FAM124A: variants seen among roughly 807,000 people sequenced by gnomAD.
The protein encoded by FAM124A is protein FAM124A.
A neutral mutation model predicts 24.5 loss-of-function variants in FAM124A; 23 were observed. The observed-to-expected ratio is 0.94, with a 90% CI of 0.68 to 1.33. The LOEUF (loss-of-function observed/expected upper bound fraction) is 1.33. Ranked by LOEUF, FAM124A falls within the 40% of genes most tolerant of loss-of-function variation. The pLI, the probability that FAM124A is intolerant of heterozygous loss-of-function variation, is 0.00. For missense variants in FAM124A, 623 were observed against 722.8 expected (o/e 0.86, Z 1.58); for synonymous variants, 287 against 314.7 (o/e 0.91, Z 0.93).
chr13:51,267,746 C>A (rs1247333944), intron 3 of FAM124A, among the ~76,000 whole-genome samples: 1 of 152,150 alleles, frequency 6.6e-6, no homozygotes, highest in East Asian at 1.9e-4. Flanking sequence ...AGCTGCCCTT[C>A]TACTAATATT....
Position 51,235,955 on chromosome 13 carries a change from G to GT in FAM124A, c.100+4581dup, listed in dbSNP as rs758700437. Among the ~76,000 whole-genome samples the GT allele has an allele frequency of 5.1e-4, 77 of 152,212 alleles. 1 individual carries two copies. Among genetic ancestry groups the GT allele is most frequent in the Non-Finnish European group, 8.1e-4 (55 of 68,038 alleles). On this transcript the variant is annotated intron_variant, in intron 2 of 3. Transcript: ENST00000322475. ...TGGGTGGCTGTGAGTCACTGAAACT[G>GT]TTTTTCAACCTCCTGGGGACTCAGA...
chr13:51,263,698 C>T (rs1954758885), intron 3 of FAM124A, among the ~76,000 whole-genome samples: 1 of 152,136 alleles, frequency 6.6e-6, no homozygotes, highest in Admixed American at 6.5e-5. Flanking sequence ...CCTATAATCC[C>T]ATTTAGTTTG....
chr13:51,243,007 G>A (rs4942983), intron 2 of FAM124A, among the ~76,000 whole-genome samples: 73,246 of 152,128 alleles, frequency 0.48, 20,053 homozygotes, highest in Non-Finnish European at 0.63. Flanking sequence ...CCTAGGTTCA[G>A]TTCTTCAATT....
rs577563692 is a variant in FAM124A, at chr13:51,263,170, C to T, written c.834+10969C>T. On this transcript the variant is annotated intron_variant, in intron 3 of 3. Coordinates refer to ENST00000322475, the MANE Select transcript of FAM124A (RefSeq NM_001242312.2). ...GGAGGTGGTAATGAGTGAAGATCTCCAGGCCCAGCCCACAGGGGCTCCGTC... is the reference window on the plus strand; with the variant it reads ...GGAGGTGGTAATGAGTGAAGATCTCTAGGCCCAGCCCACAGGGGCTCCGTC... 1.2e-3 allele frequency among the ~76,000 whole-genome samples: 176 copies of T among 152,026 alleles called. 2 individuals carry two copies. In the South Asian group the frequency reaches 0.014, roughly 12 times the overall value.
intron 3 of FAM124A, among the ~76,000 whole-genome samples, chr13:51,263,160 T>G (rs988446060): frequency 6.6e-6 from 1 of 152,040 alleles, no homozygotes; most frequent in African/African-American, 2.4e-5. Context: ...TGGTAATGAG[T>G]GAAGATCTCC....
chr13:51,275,493 G>A (rs1401432258), intron 3 of FAM124A, among the ~76,000 whole-genome samples: 1 of 152,150 alleles, frequency 6.6e-6, no homozygotes, highest in African/African-American at 2.4e-5. Flanking sequence ...AGAACAAAAA[G>A]GTAAGCCACA....
Position 51,274,177 on chromosome 13 carries a change from G to T in FAM124A, c.835-6273G>T, listed in dbSNP as rs540928197. On this transcript the variant is annotated intron_variant, in intron 3 of 3. Transcript: ENST00000322475. ...ATGTTGTTTCCTAGAACTTCTAGGT[G>T]CCCAGCCCTTTTCTGTTTATTAATA... is the stretch of plus-strand genomic sequence containing the variant. Among the ~76,000 whole-genome samples, 10 of 152,266 alleles carry T rather than the reference G, an allele frequency of 6.6e-5. No homozygotes were observed. In the South Asian group the frequency reaches 1.9e-3, roughly 28 times the overall value.
chr13:51,265,631 C>G (rs1954778022), intron 3 of FAM124A, among the ~76,000 whole-genome samples: 1 of 152,152 alleles, frequency 6.6e-6, no homozygotes, highest in Non-Finnish European at 1.5e-5. Flanking sequence ...AATCCTGGCA[C>G]ATGGTAAGGA....
intron 3 of FAM124A, among the ~76,000 whole-genome samples, chr13:51,273,197 C>T (rs1954854639): frequency 6.6e-6 from 1 of 152,172 alleles, no homozygotes; most frequent in Non-Finnish European, 1.5e-5. Flanking sequence ...GGCATCTCTC[C>T]TCCACCAGGG....
At chr13:51,270,417 G>A (rs1954829688) in intron 3 of FAM124A, among the ~76,000 whole-genome samples, 2 of 152,136 alleles carry the variant, frequency 1.3e-5, no homozygotes, top group Non-Finnish European at 2.9e-5. Flanking sequence ...CTTCAAAGAT[G>A]GGATTTTTTT....
At chr13:51,246,712 C>G (rs1177845664) in intron 2 of FAM124A, among the ~76,000 whole-genome samples, 1 of 152,230 alleles carries the variant, frequency 6.6e-6, no homozygotes, top group African/African-American at 2.4e-5. Context: ...CCCCCCTGCT[C>G]TGAGGCCGGG....
At chr13:51,236,762 T>A (rs1295189203) in intron 2 of FAM124A, among the ~76,000 whole-genome samples, 1 of 152,258 alleles carries the variant, frequency 6.6e-6, no homozygotes. Flanking sequence ...AGCCAGTTTT[T>A]TATCACATCT....
intron 2 of FAM124A, chr13:51,245,447 C>G: frequency 1.7e-6 from 1 of 604,050 alleles, no homozygotes; most frequent in Non-Finnish European, 3.0e-6. Context: ...GCGCAGCTTC[C>G]GGCATTCATC....
intron 2 of FAM124A, among the ~76,000 whole-genome samples, chr13:51,241,013 G>A (rs1954485380): frequency 6.6e-6 from 1 of 152,216 alleles, no homozygotes; most frequent in African/African-American, 2.4e-5. Context: ...TCTGCCTTCT[G>A]GTTCACAGTG....
intron 2 of FAM124A, among the ~76,000 whole-genome samples, chr13:51,242,617 C>G (rs182703474): frequency 7.9e-5 from 12 of 152,270 alleles, no homozygotes; most frequent in Admixed American, 2.6e-4. Context: ...TTTGCTCCCC[C>G]TCCTTTTCCT....
chr13:51,242,949 G>A (rs1954515418), intron 2 of FAM124A, among the ~76,000 whole-genome samples: 1 of 152,148 alleles, frequency 6.6e-6, no homozygotes, highest in South Asian at 2.1e-4. Context: ...ATCCTTTATT[G>A]TACTCCTCTG....
intron 2 of FAM124A, among the ~76,000 whole-genome samples, chr13:51,249,737 C>T (rs758662768): frequency 1.3e-5 from 2 of 152,094 alleles, no homozygotes; most frequent in African/African-American, 2.4e-5. Flanking sequence ...GTTACTATTC[C>T]GTTGTATTCC....
chr13:51,222,439 G>C lies in FAM124A; in HGVS notation c.-63G>C. 8.5e-7 allele frequency: 1 copy of C among 1,173,708 alleles called. No homozygotes were observed. Among genetic ancestry groups the C allele is most frequent in the Non-Finnish European group, 1.1e-6 (1 of 949,340 alleles). 72.7% of individuals were successfully genotyped at this position (1,173,708 alleles called of 1,614,324 possible). ...CCCGGCCGGCTCGGACTGGGCGGCCGGGAGGGAGGGCGCCCCGGGTCACGA... is the reference window on the plus strand; with the variant it reads ...CCCGGCCGGCTCGGACTGGGCGGCCCGGAGGGAGGGCGCCCCGGGTCACGA... On this transcript the variant is annotated 5_prime_UTR_variant, in exon 1 of 4. Transcript: ENST00000322475.
intron 3 of FAM124A, among the ~76,000 whole-genome samples, chr13:51,275,859 C>T (rs953828596): frequency 6.6e-6 from 1 of 152,196 alleles, no homozygotes; most frequent in African/African-American, 2.4e-5. Context: ...CCAGCATTTC[C>T]ACTCCTGGGA....
Sources: gnomAD v4.1 joint callset for allele counts (sites outside exome capture counted in the v4.1 genomes callset) on GRCh38, gnomAD v4.1.1 for gene constraint, MANE v1.5 for transcripts, NCBI Gene and HGNC (gene_info 2026-07-23, HGNC 2026-07-21) for gene names.